Variants in DNHD1 observed in about 807,000 individuals in gnomAD.
DNHD1 encodes dynein heavy chain domain-containing protein 1.
A neutral mutation model predicts 458.1 loss-of-function variants in DNHD1; 383 were observed. The observed-to-expected ratio is 0.84, with a 90% CI of 0.77 to 0.91. The LOEUF (loss-of-function observed/expected upper bound fraction) is 0.91, where lower values mean the gene tolerates loss of function less well. Ranked by LOEUF, DNHD1 falls within the 40% of genes least tolerant of loss-of-function variation. The pLI is 0.00. For missense variants in DNHD1, 5,336 were observed against 5,866.1 expected, an observed-to-expected ratio of 0.91 and a Z score of 2.95; for synonymous variants, 2,203 against 2,376.9, an observed-to-expected ratio of 0.93 and a Z score of 2.13.
chr11:6,533,650 G>C lies in DNHD1; in HGVS notation c.2506-31G>C, dbSNP rs775839270. 5.9e-6 allele frequency: 9 copies of C among 1,521,386 alleles called. No homozygotes were observed. The Middle Eastern group carries it at 6.8e-4, about 116-fold the overall frequency. The allele number at this position is 1,521,386 out of a possible 1,614,324, so 94.2% of individuals were successfully genotyped here. A position where few individuals can be genotyped will look rare whatever the true frequency, so the allele number is the denominator to read the frequency against. ...ACCAAAGAGGTACATGGGGTTGTGG[G>C]GCTGCCGGTCTCATGCTGTAATTCC... is the stretch of plus-strand genomic sequence containing the variant. On this transcript the variant is annotated intron_variant, in intron 13 of 42. Coordinates refer to ENST00000254579, the MANE Select transcript of DNHD1 (RefSeq NM_144666.3).
intron 12 of DNHD1, 68 bp downstream of exon 12, chr11:6,529,189 G>A: frequency 6.6e-7 from 1 of 1,507,500 alleles, no homozygotes; most frequent in Non-Finnish European, 9.0e-7. Flanking sequence ...GCCTGCCTTG[G>A]TCCTGGAATG....
At position 6,557,516 on chromosome 11, in the gene DNHD1, G is replaced by T; in HGVS notation, c.8221G>T (p.Val2741Phe). The T allele has an allele frequency of 6.4e-7, 1 of 1,551,760 alleles. No homozygotes were observed. The highest frequency in any genetic ancestry group is 2.4e-5 in the East Asian group (1 of 40,914). ...ACCTTATGGCCTTCAGGTCGCCAGA[G>T]TCTCAAACTCCAGAGATCCAAGTCT... ...EEPYGLQVAR[V>F]SNSRDPSLTP... Residue 2741 changes from valine (V) to phenylalanine (F), a missense_variant, in exon 25 of 43, where the codon GTC becomes TTC. By Grantham distance (50) the Val-to-Phe change is conservative. Coordinates refer to ENST00000254579, the MANE Select transcript of DNHD1 (RefSeq NM_144666.3).
intron 7 of DNHD1, among the ~76,000 whole-genome samples, chr11:6,519,080 A>G (rs966404678): frequency 2.6e-5 from 4 of 152,196 alleles, no homozygotes; most frequent in Non-Finnish European, 5.9e-5. Context: ...AAGAACTCAC[A>G]AAAAGGCTCC....
intron 24 of DNHD1, 111 bp downstream of exon 24, chr11:6,549,044 TG>T: frequency 8.2e-7 from 1 of 1,213,948 alleles, no homozygotes; most frequent in Non-Finnish European, 1.1e-6. Context: ...CTAACTTTAG[TG>T]TTCTGTTCTT....
chr11:6,502,130 T>C (rs1852148855), intron 3 of DNHD1, among the ~76,000 whole-genome samples: 2 of 152,176 alleles, frequency 1.3e-5, no homozygotes, highest in African/African-American at 2.4e-5. Context: ...CTAATTTCCA[T>C]ACCAATTTTG....
In DNHD1 at chr11:6,547,520, C is replaced by A. The variant is rs775589703; in HGVS notation, c.6581C>A (p.Thr2194Asn). 6.3e-5 allele frequency: 98 copies of A among 1,551,162 alleles called. No homozygotes were observed. The Middle Eastern group carries it at 8.3e-4, about 13-fold the overall frequency. ...GTGCCTGCAACATTGCGATTCCTCA[C>A]CTGCCAAGGTGTCAGCTCTCTGCTG... ...VLVPATLRFL[T>N]CQGVSSLLQV... The change falls in exon 21 of 43, where the codon ACC (threonine) becomes AAC (asparagine). Residue 2194 changes from threonine (T) to asparagine (N), a missense_variant. Transcript: ENST00000254579.
rs969952112 is a variant in DNHD1 at position 6,548,280 on chromosome 11, C to T, written c.6976C>T (p.Pro2326Ser). 7.3e-5 allele frequency: 113 copies of T among 1,551,606 alleles called. No homozygotes were observed. The highest frequency in any genetic ancestry group is 9.2e-5 in the Non-Finnish European group (105 of 1,147,004). ...CCTCTCCAACTACCCTGAGCCACCA[C>T]CCTCAGCCTTGGTGTTTGATCTACA... is the stretch of plus-strand genomic sequence containing the variant. ...SRLSNYPEPP[P>S]SALVFDLHVS... The change falls in exon 23 of 43, where the codon CCC becomes TCC. Residue 2326 changes from proline to serine, a missense_variant. Coordinates refer to ENST00000254579, the MANE Select transcript of DNHD1 (RefSeq NM_144666.3). This position sits in a 1 kb window ranked among gnomAD's most constrained non-coding sequence, Gnocchi z 4.4.
In DNHD1 at chr11:6,557,002, G is replaced by C. The variant is rs371780047; in HGVS notation, c.7707G>C (p.Glu2569Asp). The change falls in exon 25 of 43, where the codon GAG becomes GAC. Residue 2569 changes from glutamate (E) to aspartate (D), a missense_variant. Physicochemically the swap from Glu to Asp is conservative, Grantham distance 45 (BLOSUM62 2). Transcript: ENST00000254579. ...LARGLVRASV[E>D]AWEAVCNCFM... Reference sequence around the variant, plus strand: ...GAGGTCTGGTTAGGGCCTCAGTAGAGGCCTGGGAGGCTGTGTGCAATTGCT... The same window carrying C: ...GAGGTCTGGTTAGGGCCTCAGTAGACGCCTGGGAGGCTGTGTGCAATTGCT... 6.4e-7 allele frequency: 1 copy of C among 1,551,714 alleles called. No individual in the cohort carries two copies. Among genetic ancestry groups the C allele is most frequent in the Admixed American group, 2.0e-5 (1 of 51,004 alleles).
Position 6,548,662 on chromosome 11 carries a change from T to C in DNHD1, c.7116T>C (p.Tyr2372=). The C allele has an allele frequency of 6.4e-7, 1 of 1,551,654 alleles. No individual in the cohort carries two copies. Among genetic ancestry groups the C allele is most frequent in the Non-Finnish European group, 8.7e-7 (1 of 1,146,972 alleles). The change falls in exon 24 of 43, where the codon TAT becomes TAC. Residue 2372 remains tyrosine (Y), a synonymous_variant. Coordinates refer to ENST00000254579, the MANE Select transcript of DNHD1 (RefSeq NM_144666.3). The surrounding 1 kb of genome is among the most constrained non-coding windows in gnomAD (Gnocchi z 4.4). ...TCTTGCAGACTGAACGGCTCTTGTA[T>C]GTGGTGGACCTGCTTCTGTCAGGGG... ...HPSIQTERLL[Y]VVDLLLSGGQ... is the part of the protein sequence containing the mutation.
At chr11:6,554,562 A>G (rs966171729) in intron 24 of DNHD1, among the ~76,000 whole-genome samples, 6 of 152,210 alleles carry the variant, frequency 3.9e-5, no homozygotes, top group African/African-American at 7.2e-5. Context: ...TGAACCTAGA[A>G]TACATAAAAA....
intron 18 of DNHD1, among the ~76,000 whole-genome samples, chr11:6,540,691 T>C (rs974688642): frequency 1.3e-5 from 2 of 152,166 alleles, no homozygotes; most frequent in African/African-American, 2.4e-5. Flanking sequence ...TACTGACTTT[T>C]TGAAGGAGTA....
At chr11:6,537,855 C>T (rs748465122) in intron 14 of DNHD1, among the ~76,000 whole-genome samples, 3 of 151,938 alleles carry the variant, frequency 2.0e-5, no homozygotes, top group Non-Finnish European at 2.9e-5. Context: ...CACTTGAACC[C>T]GGGAGGCAGA....
chr11:6,512,524 C>G (rs1162862560), intron 7 of DNHD1, among the ~76,000 whole-genome samples: 1 of 152,104 alleles, frequency 6.6e-6, no homozygotes, highest in Non-Finnish European at 1.5e-5. Context: ...GCCTGGCCGA[C>G]TGCAAGGAAT....
At chr11:6,550,210 A>G (rs1853311771) in intron 24 of DNHD1, among the ~76,000 whole-genome samples, 1 of 152,242 alleles carries the variant, frequency 6.6e-6, no homozygotes, top group South Asian at 2.1e-4. Flanking sequence ...AGAAACAGAG[A>G]CAGAGATTTT....
At position 6,498,003 on chromosome 11, in the gene DNHD1, T is replaced by C; in HGVS notation, c.-213T>C. 1.5e-6 allele frequency: 1 copy of C among 645,900 alleles called. No homozygotes were observed. The highest frequency in any genetic ancestry group is 2.7e-6 in the Non-Finnish European group (1 of 373,688). The allele number at this position is 645,900 out of a possible 1,614,324, so 40.0% of individuals were successfully genotyped here. On this transcript the variant is annotated 5_prime_UTR_variant, in exon 3 of 43. An upstream open reading frame in the 5' UTR loses its in-frame stop. Coordinates refer to ENST00000254579, the MANE Select transcript of DNHD1 (RefSeq NM_144666.3). ...TCTCTGCTGGTCTGGCTCTGCTCTG[T>C]AGCTCCATCTATTTCCCTGTCCCAG...
chr11:6,555,241 T>TCTCC (rs1338295639), intron 24 of DNHD1, among the ~76,000 whole-genome samples: 3 of 151,180 alleles, frequency 2.0e-5, no homozygotes, highest in Non-Finnish European at 4.4e-5. Context: ...TCTCTCTGTC[T>TCTCC]CTCTCAATCT....
At position 6,558,973 on chromosome 11, in the gene DNHD1, T is replaced by A. The variant is rs1853527351; in HGVS notation, c.9283T>A (p.Ser3095Thr). The change falls in exon 27 of 43, where the codon TCG becomes ACG. Residue 3095 changes from serine to threonine, a missense_variant. Ser to Thr is a moderately conservative substitution (Grantham distance 58). Around this residue, in one of 4 missense-constraint regions of DNHD1, gnomAD observed 3,932 missense variants for 4,365.6 expected, o/e 0.90. Transcript: ENST00000254579. ...CAAAGCCATGGCTCTTATCCACCTTTCGGCCACCCACTACCATGAGCACCT... is the reference window on the plus strand; with the variant it reads ...CAAAGCCATGGCTCTTATCCACCTTACGGCCACCCACTACCATGAGCACCT... ...VAKAMALIHL[S>T]ATHYHEHLCP... 2 of 1,551,570 alleles carry A rather than the reference T, an allele frequency of 1.3e-6. No homozygotes were observed. Among genetic ancestry groups the A allele is most frequent in the Middle Eastern group, 3.3e-4 (2 of 6,014 alleles).
rs1458507677 is a variant in DNHD1, at chr11:6,570,399, A to G, written c.13105+3A>G. On this transcript the variant is annotated splice_donor_region_variant and intron_variant, in intron 41 of 42. Transcript: ENST00000254579. ...GGCCACGCTCATGCCCCTCCCAGGT[A>G]AGCCTCACTCAGGTATCTGTTTTGG... The G allele has an allele frequency of 3.1e-6, 5 of 1,605,754 alleles. No individual in the cohort carries two copies. Among genetic ancestry groups the G allele is most frequent in the South Asian group, 1.1e-5 (1 of 89,776 alleles).
Position 6,556,704 on chromosome 11 carries a change from C to T in DNHD1, c.7409C>T (p.Pro2470Leu), listed in dbSNP as rs1344787051. ...ATAGACCCAGAGAAGAGCTGCCAGC[C>T]AGTGTTGGAGACTCTGCGCCAGGCC... ...ATSDPEKSCQ[P>L]VLETLRQAMD... is the part of the protein sequence containing the mutation. The change falls in exon 25 of 43, where the codon CCA (proline) becomes CTA (leucine). Residue 2470 changes from proline to leucine, a missense_variant. Physicochemically the swap from Pro to Leu is moderately conservative, Grantham distance 98. Around this residue, in one of 4 missense-constraint regions of DNHD1, gnomAD observed 3,932 missense variants for 4,365.6 expected, o/e 0.90. Transcript: ENST00000254579. The T allele has an allele frequency of 1.9e-6, 3 of 1,543,816 alleles. No individual in the cohort carries two copies. Among genetic ancestry groups the T allele is most frequent in the Non-Finnish European group, 2.6e-6 (3 of 1,140,674 alleles).
Sources: gnomAD v4.1 joint callset for allele counts (sites outside exome capture counted in the v4.1 genomes callset) on GRCh38, gnomAD v4.1.1 for gene constraint, gnomAD v4.1.1 regional missense constraint, Gnocchi (gnomAD v3.1) non-coding constraint, MANE v1.5 for transcripts, NCBI Gene and HGNC (gene_info 2026-07-23, HGNC 2026-07-21) for gene names.